SPAG17: variants seen among roughly 807,000 people sequenced by gnomAD.
The protein encoded by SPAG17 is sperm-associated antigen 17.
A neutral mutation model predicts 273.6 loss-of-function variants in SPAG17; 169 were observed. That is an observed-to-expected ratio of 0.62 (90% CI 0.55 to 0.70). SPAG17 has a LOEUF of 0.70. SPAG17 is among the 30% of genes least tolerant of loss of function. SPAG17 has a pLI of 0.00. For synonymous variants in SPAG17, 825 were observed against 873.2 expected (o/e 0.94, Z 0.97); for missense variants, 2,557 against 2,627.8 (o/e 0.97, Z 0.59).
chr1:118,180,075 G>T (rs372286857), intron 1 of SPAG17, among the ~76,000 whole-genome samples: 28 of 151,966 alleles, frequency 1.8e-4, no homozygotes, highest in Non-Finnish European at 2.2e-4. Context: ...CATATAATCC[G>T]GCAGTTCTGC....
Position 118,091,601 on chromosome 1 carries a change from C to A in SPAG17, c.1359+5G>T. The stretch of plus-strand genomic sequence containing the variant: ...AGTATACAACCTGGGAAAAAGCCTC[C>A]CCACCTGTTCCAGCATACAATGCAG... On this transcript the variant is annotated splice_donor_5th_base_variant and intron_variant, in intron 10 of 48. Coordinates refer to ENST00000336338, the MANE Select transcript of SPAG17 (RefSeq NM_206996.4). 1 of 1,565,818 alleles carries A rather than the reference C, an allele frequency of 6.4e-7. No homozygotes were observed. The highest frequency in any genetic ancestry group is 8.8e-7 in the Non-Finnish European group (1 of 1,137,884).
intron 23 of SPAG17, among the ~76,000 whole-genome samples, chr1:118,038,271 G>C (rs1270573332): frequency 6.6e-6 from 1 of 152,104 alleles, no homozygotes; most frequent in African/African-American, 2.4e-5. Context: ...ATCTAAAACA[G>C]AAAATAATGG....
intron 28 of SPAG17, among the ~76,000 whole-genome samples, chr1:118,020,407 C>T (rs1284386472): frequency 2.0e-5 from 3 of 151,164 alleles, no homozygotes; most frequent in Non-Finnish European, 4.4e-5. Context: ...GGCACTCCAG[C>T]CTGGGCAACA....
In SPAG17 at chr1:118,185,096, G is replaced by A. The variant is rs1484134883; in HGVS notation, c.62C>T (p.Ser21Leu). Residue 21 changes from serine to leucine, a missense_variant, in exon 1 of 49, where the codon TCG becomes TTG. Coordinates refer to ENST00000336338, the MANE Select transcript of SPAG17 (RefSeq NM_206996.4). ...CTGATTGAACTGTGCAGCTATGAGC[G>A]AGGGTTCCCATATCTTAGAACTGGT... ...VNTSSKIWEPSLIAAQFNQND... is the reference protein window; with the variant it reads ...VNTSSKIWEPLLIAAQFNQND... 3.1e-6 allele frequency: 5 copies of A among 1,614,138 alleles called. No homozygotes were observed. The highest frequency in any genetic ancestry group is 3.3e-5 in the Admixed American group (2 of 60,024).
At chr1:118,102,703 A>G (rs1656144659) in intron 4 of SPAG17, among the ~76,000 whole-genome samples, 1 of 152,198 alleles carries the variant, frequency 6.6e-6, no homozygotes, top group Non-Finnish European at 1.5e-5. Context: ...GTTGCCAAAA[A>G]TGTTGTGCAG....
intron 3 of SPAG17, 136 bp downstream of exon 3, chr1:118,150,407 C>A (rs1038350524): frequency 1.1e-5 from 5 of 438,752 alleles, no homozygotes; most frequent in Non-Finnish European, 2.0e-5. Context: ...GTGTGTTCAC[C>A]ATCAGGAACA....
At position 117,996,592 on chromosome 1, in the gene SPAG17, T is replaced by C. The variant is rs759496588; in HGVS notation, c.4922+6A>G. On this transcript the variant is annotated splice_donor_region_variant and intron_variant, in intron 33 of 48. Coordinates refer to ENST00000336338, the MANE Select transcript of SPAG17 (RefSeq NM_206996.4). ...TAAAAGTAAAATTATAGTATTATTC[T>C]TTTACCTGGGGACATGTTCACCATA... 6 of 1,607,924 alleles carry C rather than the reference T, an allele frequency of 3.7e-6. No homozygotes were observed. The East Asian group carries it at 1.3e-4, about 36-fold the overall frequency.
intron 7 of SPAG17, 101 bp downstream of exon 7, chr1:118,097,569 A>C (rs1439642732): frequency 3.4e-6 from 3 of 885,092 alleles, no homozygotes; most frequent in Non-Finnish European, 4.9e-6. Flanking sequence ...AATGCCTTGT[A>C]ATCAGCGCTC....
Position 118,001,668 on chromosome 1 carries a change from CTCTTT to C in SPAG17, c.4776+3741_4776+3745del, listed in dbSNP as rs374330607. Among the ~76,000 whole-genome samples the C allele has an allele frequency of 9.7e-4, 147 of 152,290 alleles. 2 individuals carry two copies. The highest frequency in any genetic ancestry group is 3.5e-3 in the African/African-American group (144 of 41,568). On this transcript the variant is annotated intron_variant, in intron 32 of 48. Coordinates refer to ENST00000336338, the MANE Select transcript of SPAG17 (RefSeq NM_206996.4). ...ATTTCTGTGGTATCCGTGGTCATAT[CTCTTT>C]TATCATTTTTTATTGTGTCTATTTG...
chr1:118,166,385 G>T (rs1459535529), intron 1 of SPAG17, among the ~76,000 whole-genome samples: 6 of 152,162 alleles, frequency 3.9e-5, no homozygotes, highest in Admixed American at 3.9e-4. Flanking sequence ...TAGAAAACTG[G>T]CTTAAAGACA....
chr1:118,151,368 T>A lies in SPAG17; in HGVS notation c.89A>T (p.Asn30Ile). The A allele has an allele frequency of 1.2e-6, 2 of 1,611,556 alleles. No homozygotes were observed. The highest frequency in any genetic ancestry group is 8.5e-7 in the Non-Finnish European group (1 of 1,178,484). Residue 30 changes from asparagine to isoleucine, a missense_variant and splice_region_variant, in exon 2 of 49, where the codon AAC becomes ATC. By Grantham distance (149) the Asn-to-Ile change is moderately radical (BLOSUM62 -3). Coordinates refer to ENST00000336338, the MANE Select transcript of SPAG17 (RefSeq NM_206996.4). ...AAAAGCAATGGAGGCCTGCCAATCG[T>A]TCTATTAAAAATCAGACGGAATTAG... is the stretch of plus-strand genomic sequence containing the variant. ...PSLIAAQFNQNDWQASIAFVV... is the reference protein window; with the variant it reads ...PSLIAAQFNQIDWQASIAFVV...
In SPAG17 at chr1:118,110,333, C is replaced by T. The variant is rs145280425; in HGVS notation, c.447+4977G>A. Among the ~76,000 whole-genome samples the T allele has an allele frequency of 4.0e-5, 6 of 151,898 alleles. No homozygotes were observed. The East Asian group carries it at 1.2e-3, about 29-fold the overall frequency. On this transcript the variant is annotated intron_variant, in intron 4 of 48. Transcript: ENST00000336338. The stretch of plus-strand genomic sequence containing the variant: ...TGCATTTTTACAATGATTACAGCTG[C>T]GTAAAGAAGCAAATCCCAGAAAAAA...
rs770823731 is a variant in SPAG17, at chr1:118,031,871, T to C, written c.3434-4A>G. 1.9e-6 allele frequency: 3 copies of C among 1,559,894 alleles called. No individual in the cohort carries two copies. Among genetic ancestry groups the C allele is most frequent in the African/African-American group, 2.7e-5 (2 of 73,160 alleles). ...TCTAAATCAGGATCCTTATCTTCTATAAGCAGAAAAAGTAAAAATGAAGTT... is the reference window on the plus strand; with the variant it reads ...TCTAAATCAGGATCCTTATCTTCTACAAGCAGAAAAAGTAAAAATGAAGTT... On this transcript the variant is annotated splice_region_variant and splice_polypyrimidine_tract_variant and intron_variant, in intron 24 of 48. Transcript: ENST00000336338.
chr1:118,147,052 G>A (rs960393727), intron 3 of SPAG17, among the ~76,000 whole-genome samples: 5 of 152,062 alleles, frequency 3.3e-5, no homozygotes, highest in African/African-American at 1.2e-4. Context: ...ACTATTTTCT[G>A]CATTGTGTTA....
intron 1 of SPAG17, among the ~76,000 whole-genome samples, chr1:118,168,483 A>T (rs1265162498): frequency 6.6e-6 from 1 of 152,204 alleles, no homozygotes; most frequent in Non-Finnish European, 1.5e-5. Flanking sequence ...CTCAAAAAAG[A>T]AAACAGGCCA....
chr1:118,174,981 G>A (rs1660618018), intron 1 of SPAG17, among the ~76,000 whole-genome samples: 1 of 152,006 alleles, frequency 6.6e-6, no homozygotes, highest in East Asian at 1.9e-4. Context: ...CTTGGCAGCA[G>A]ATATGTGAAT....
chr1:118,109,655 T>C (rs1191833935), intron 4 of SPAG17, among the ~76,000 whole-genome samples: 1 of 151,766 alleles, frequency 6.6e-6, no homozygotes, highest in Admixed American at 6.6e-5. Context: ...CAGAATAGTA[T>C]TGTTGAGGAT....
intron 3 of SPAG17, among the ~76,000 whole-genome samples, chr1:118,130,877 C>T (rs1391579290): frequency 6.6e-6 from 1 of 152,122 alleles, no homozygotes; most frequent in African/African-American, 2.4e-5. Flanking sequence ...AGATTCTTTC[C>T]CAAGAACACA....
chr1:118,148,156 A>C (rs1659148431), intron 3 of SPAG17, among the ~76,000 whole-genome samples: 1 of 152,168 alleles, frequency 6.6e-6, no homozygotes, highest in Admixed American at 6.5e-5. Context: ...GTTTCCTTTG[A>C]GAAATGGGAT....
Sources: allele counts gnomAD v4.1 joint callset (sites outside exome capture counted in the v4.1 genomes callset), GRCh38; gene constraint gnomAD v4.1.1; transcripts MANE v1.5; gene names NCBI Gene and HGNC (gene_info 2026-07-23, HGNC 2026-07-21).